Variants in KCNIP1 observed in about 807,000 individuals in gnomAD.
KCNIP1 encodes the protein A-type potassium channel modulatory protein KCNIP1.
Under a neutral mutation model 33.0 loss-of-function variants are expected in KCNIP1, and 18 were observed. The observed-to-expected ratio is 0.55, with a 90% CI of 0.38 to 0.81. The LOEUF is 0.81. KCNIP1 is among the 30% of genes least tolerant of loss of function. The pLI is 0.00. For synonymous variants in KCNIP1, 93 were observed against 98.3 expected (o/e 0.95, Z 0.32); for missense variants, 238 against 271.6 (o/e 0.88, Z 0.87).
At chr5:170,385,305 G>A (rs371663057) in intron 1 of KCNIP1, 1 of 1,613,972 alleles carries the variant, frequency 6.2e-7, no homozygotes, top group African/African-American at 1.3e-5. Context: ...GGCCGGGAGA[G>A]CTCAGTACCT....
intron 1 of KCNIP1, among the ~76,000 whole-genome samples, chr5:170,431,227 C>T (rs1755733005): frequency 6.6e-6 from 1 of 152,242 alleles, no homozygotes; most frequent in Non-Finnish European, 1.5e-5. Context: ...GCCTTGCTGC[C>T]ACTGCCTGTC....
At chr5:170,598,638 G>A (rs1475829391) in intron 1 of KCNIP1, among the ~76,000 whole-genome samples, 1 of 152,190 alleles carries the variant, frequency 6.6e-6, no homozygotes. Flanking sequence ...AGAGGAGCTG[G>A]TTGCAGAGGA....
At chr5:170,465,652 AAGAGAG>A (rs140798118) in intron 1 of KCNIP1, among the ~76,000 whole-genome samples, 2 of 151,414 alleles carry the variant, frequency 1.3e-5, no homozygotes, top group Admixed American at 6.6e-5. Context: ...GAGAGACAGA[AAGAGAG>A]AGAGAGAGAG....
chr5:170,552,528 A>G (rs1347691746), intron 1 of KCNIP1, among the ~76,000 whole-genome samples: 1 of 152,106 alleles, frequency 6.6e-6, no homozygotes, highest in Non-Finnish European at 1.5e-5. Context: ...CTGTCTAAGG[A>G]GGTGGCGTTT....
rs568275019 is a variant in KCNIP1, at chr5:170,417,097, G to A, written c.88+63133G>A. Among the ~76,000 whole-genome samples the A allele has an allele frequency of 2.6e-4, 39 of 152,328 alleles. 1 individual carries two copies. In the South Asian group the frequency reaches 6.8e-3, roughly 27 times the overall value. On this transcript the variant is annotated intron_variant, in intron 1 of 7. Coordinates refer to the KCNIP1 transcript ENST00000377360. ...GGAACTCAATGAGAATCTCCACTAA[G>A]AGGGGTTATTTAAATAAACTGTGAT...
chr5:170,421,727 G>T (rs1755499119), intron 1 of KCNIP1, among the ~76,000 whole-genome samples: 1 of 152,156 alleles, frequency 6.6e-6, no homozygotes, highest in Admixed American at 6.5e-5. Flanking sequence ...ATATGAATTT[G>T]GGAGAGGATA....
intron 1 of KCNIP1, among the ~76,000 whole-genome samples, chr5:170,602,335 A>G (rs1263842475): frequency 1.3e-5 from 2 of 152,194 alleles, no homozygotes; most frequent in East Asian, 1.9e-4. Context: ...CCTGGAATCA[A>G]ATCCCACCGC....
At chr5:170,539,877 T>C (rs1362997815) in intron 1 of KCNIP1, among the ~76,000 whole-genome samples, 1 of 152,226 alleles carries the variant, frequency 6.6e-6, no homozygotes, top group Non-Finnish European at 1.5e-5. Context: ...ATGTGTCTTC[T>C]AAGCCCAGCT....
At chr5:170,728,538 A>G (rs559331893) in intron 5 of KCNIP1, among the ~76,000 whole-genome samples, 2 of 152,322 alleles carry the variant, frequency 1.3e-5, no homozygotes, top group Non-Finnish European at 2.9e-5. Context: ...CCAATATATC[A>G]GTTGTGACTA....
rs1266192603 is a variant in KCNIP1 at position 170,504,839 on chromosome 5, C to G, written c.61+206C>G. ...GAGCCGGAGTGGACGTCTGCCCCAG[C>G]GGCAACTGGACCCCTCTGGGGCACC... On this transcript the variant is annotated intron_variant, in intron 1 of 7. Transcript: ENST00000328939. This position sits in a 1 kb window ranked among gnomAD's most constrained non-coding sequence, Gnocchi z 6.0. Among the ~76,000 whole-genome samples the G allele has an allele frequency of 6.6e-6, 1 of 152,178 alleles. No individual in the cohort carries two copies. Among genetic ancestry groups the G allele is most frequent in the Non-Finnish European group, 1.5e-5 (1 of 68,038 alleles).
chr5:170,656,389 G>A (rs1262093410), intron 1 of KCNIP1, among the ~76,000 whole-genome samples: 1 of 152,218 alleles, frequency 6.6e-6, no homozygotes, highest in Non-Finnish European at 1.5e-5. Flanking sequence ...AGAAAGACAA[G>A]AGAGTGTGAA....
chr5:170,425,453 G>A (rs969225892), intron 1 of KCNIP1, among the ~76,000 whole-genome samples: 5 of 152,156 alleles, frequency 3.3e-5, no homozygotes, highest in Non-Finnish European at 7.3e-5. Context: ...TGGCAGTCAT[G>A]GGGGGAGGCA....
chr5:170,735,619 A>G (rs965410153), intron 7 of KCNIP1, 140 bp from the exon 8 acceptor site: 1 of 678,338 alleles, frequency 1.5e-6, no homozygotes, highest in African/African-American at 1.8e-5. Flanking sequence ...CTAGGTCCCC[A>G]CCCTTACTTC....
At chr5:170,463,100 G>C (rs1354382071) in intron 1 of KCNIP1, among the ~76,000 whole-genome samples, 1 of 151,934 alleles carries the variant, frequency 6.6e-6, no homozygotes, top group Admixed American at 6.6e-5. Flanking sequence ...AACATCACCT[G>C]TTCCCCAATA....
chr5:170,483,605 G>A (rs374532184), intron 1 of KCNIP1, among the ~76,000 whole-genome samples: 3 of 152,200 alleles, frequency 2.0e-5, no homozygotes, highest in Admixed American at 6.5e-5. Context: ...TCACATTTGG[G>A]TTGGTTAAAT....
At chr5:170,647,716 G>T (rs913257988) in intron 1 of KCNIP1, among the ~76,000 whole-genome samples, 2 of 152,076 alleles carry the variant, frequency 1.3e-5, no homozygotes, top group African/African-American at 4.8e-5. Flanking sequence ...TCCTGAGTAT[G>T]GCAGTGACTT....
intron 1 of KCNIP1, among the ~76,000 whole-genome samples, chr5:170,459,176 G>C (rs570106667): frequency 6.6e-6 from 1 of 152,176 alleles, no homozygotes; most frequent in Non-Finnish European, 1.5e-5. Flanking sequence ...TAACACTGAA[G>C]CTCCTAAATT....
chr5:170,572,229 C>T (rs908680539), intron 1 of KCNIP1, among the ~76,000 whole-genome samples: 1 of 152,222 alleles, frequency 6.6e-6, no homozygotes, highest in Non-Finnish European at 1.5e-5. Context: ...TTAAGAGCTG[C>T]CTCAATTGAA....
intron 1 of KCNIP1, among the ~76,000 whole-genome samples, chr5:170,387,391 A>C (rs1764519173): frequency 1.3e-5 from 2 of 152,142 alleles, no homozygotes; most frequent in South Asian, 4.1e-4. Flanking sequence ...TCAAATATTC[A>C]GAGATTCTTG....
Sources: allele counts gnomAD v4.1 joint callset (sites outside exome capture counted in the v4.1 genomes callset), GRCh38; gene constraint gnomAD v4.1.1; non-coding constraint Gnocchi (gnomAD v3.1); transcripts MANE v1.5; gene names NCBI Gene and HGNC (gene_info 2026-07-23, HGNC 2026-07-21).